The following TCF4 variants were observed in gnomAD, a reference collection of about 807,000 sequenced individuals.
The protein encoded by TCF4 is SL3-3 enhancer factor 2.
Under a neutral mutation model 82.1 loss-of-function variants are expected in TCF4, and 3 were observed. The observed-to-expected ratio is 0.04, with a 90% CI of 0.02 to 0.09. TCF4 has a LOEUF of 0.09. Ranked by LOEUF, TCF4 falls within the 10% of genes least tolerant of loss-of-function variation. The pLI is 1.00. For missense variants in TCF4, 518 were observed against 852.7 expected (o/e 0.61, Z 4.89); for synonymous variants, 276 against 309.6 (o/e 0.89, Z 1.14).
chr18:55,481,815 A>T (rs2096439364), intron 3 of TCF4, among the ~76,000 whole-genome samples: 1 of 152,230 alleles, frequency 6.6e-6, no homozygotes, highest in Non-Finnish European at 1.5e-5. Context: ...CTCAAGAAAT[A>T]GACTTATGCC....
At chr18:55,230,719 T>C (rs1421317409) in intron 17 of TCF4, 2 of 152,252 alleles carry the variant, frequency 1.3e-5, no homozygotes, top group African/African-American at 2.4e-5. Flanking sequence ...GTATATTTAA[T>C]GAATGCTGGT....
intron 8 of TCF4, among the ~76,000 whole-genome samples, chr18:55,342,478 T>A (rs546604417): frequency 3.3e-5 from 5 of 152,116 alleles, no homozygotes; most frequent in Non-Finnish European, 5.9e-5. Context: ...AACAATACTT[T>A]CAAATAGTAC....
chr18:55,320,431 C>T (rs779126008), intron 8 of TCF4, among the ~76,000 whole-genome samples: 3 of 152,218 alleles, frequency 2.0e-5, no homozygotes, highest in Non-Finnish European at 4.4e-5. Flanking sequence ...GTTGCCCATT[C>T]ATAAAACTGG....
chr18:55,297,304 A>G (rs1033663194), intron 8 of TCF4, among the ~76,000 whole-genome samples: 6 of 151,678 alleles, frequency 4.0e-5, no homozygotes, highest in Admixed American at 1.3e-4. Flanking sequence ...GAGCGCATAG[A>G]GTCTGAGTAT....
chr18:55,580,895 G>A (rs758318141), intron 3 of TCF4, among the ~76,000 whole-genome samples: 1 of 151,748 alleles, frequency 6.6e-6, no homozygotes, highest in Non-Finnish European at 1.5e-5. Flanking sequence ...TATGAATACA[G>A]GATAGTAGTA....
chr18:55,405,233 G>A (rs1434881731), intron 5 of TCF4, among the ~76,000 whole-genome samples: 1 of 152,182 alleles, frequency 6.6e-6, no homozygotes, highest in Admixed American at 6.5e-5. Context: ...GCTATCAAAG[G>A]ACGCGTGTCC....
In TCF4 at chr18:55,569,234, A is replaced by G. The variant is rs186178763; in HGVS notation, c.145+16046T>C. On this transcript the variant is annotated intron_variant, in intron 3 of 19. Transcript: ENST00000354452. ...AGACAAAAAAAAAAAAAGGCCAAGT[A>G]TTGGGGTTTGAAAGGAAAAAACAAT... is the stretch of plus-strand genomic sequence containing the variant. Among the ~76,000 whole-genome samples, 7 of 150,982 alleles carry G rather than the reference A, an allele frequency of 4.6e-5. No homozygotes were observed. In the East Asian group the frequency reaches 1.2e-3, roughly 25 times the overall value.
At chr18:55,492,363 T>C (rs1409442529) in intron 3 of TCF4, 2 of 152,224 alleles carry the variant, frequency 1.3e-5, no homozygotes, top group Non-Finnish European at 2.9e-5. Flanking sequence ...CAATCATTTA[T>C]ATGCATGCTT....
At chr18:55,590,087 C>G (rs1168388736), upstream of TCF4, among the ~76,000 whole-genome samples, 1 of 152,236 alleles carries the variant, frequency 6.6e-6, no homozygotes, top group African/African-American at 2.4e-5. Flanking sequence ...CGTCCTTGCT[C>G]TTTGACACAA....
intron 3 of TCF4, among the ~76,000 whole-genome samples, chr18:55,547,585 A>C (rs2097217620): frequency 6.6e-6 from 1 of 152,232 alleles, no homozygotes; most frequent in African/African-American, 2.4e-5. Flanking sequence ...ATAATAAATA[A>C]GTCAATAAAT....
intron 3 of TCF4, among the ~76,000 whole-genome samples, chr18:55,476,330 C>T (rs987959916): frequency 6.6e-6 from 1 of 152,152 alleles, no homozygotes; most frequent in Non-Finnish European, 1.5e-5. Flanking sequence ...CCAAAAAAGA[C>T]TGTGAGAGGA....
intron 2 of TCF4, among the ~76,000 whole-genome samples, chr18:55,621,707 T>C (rs1413316609): frequency 1.1e-5 from 1 of 88,000 alleles, no homozygotes; most frequent in Non-Finnish European, 2.0e-5. Context: ...ATATATATTA[T>C]ATAATATATA....
At chr18:55,304,617 T>C (rs2147058818) in intron 8 of TCF4, among the ~76,000 whole-genome samples, 1 of 152,288 alleles carries the variant, frequency 6.6e-6, no homozygotes. Context: ...AGGGCAGAAT[T>C]CCTTGTCAGG....
chr18:55,293,399 CTCTT>C (rs1194139139), intron 8 of TCF4, among the ~76,000 whole-genome samples: 2 of 152,126 alleles, frequency 1.3e-5, no homozygotes, highest in African/African-American at 4.8e-5. Context: ...CACTCATGCT[CTCTT>C]TGTTAGCAAA....
chr18:55,477,091 G>A (rs1159705297), intron 3 of TCF4, among the ~76,000 whole-genome samples: 1 of 152,174 alleles, frequency 6.6e-6, no homozygotes, highest in Admixed American at 6.5e-5. Flanking sequence ...AAATTGGTCA[G>A]AGGAGTCTGA....
intron 2 of TCF4, among the ~76,000 whole-genome samples, chr18:55,611,012 A>G (rs562687627): frequency 1.8e-4 from 27 of 152,304 alleles, no homozygotes; most frequent in African/African-American, 6.5e-4. Flanking sequence ...GTGTGGCACA[A>G]CACTAGCTGA....
intron 3 of TCF4, among the ~76,000 whole-genome samples, chr18:55,538,233 G>A (rs1348124470): frequency 6.6e-6 from 1 of 152,004 alleles, no homozygotes; most frequent in African/African-American, 2.4e-5. Context: ...TTCTTGAGGG[G>A]TTTTTAGTCC....
intron 3 of TCF4, among the ~76,000 whole-genome samples, chr18:55,515,366 C>T (rs1359305565): frequency 6.6e-6 from 1 of 152,164 alleles, no homozygotes; most frequent in East Asian, 1.9e-4. Context: ...TACGTGCAGA[C>T]ACATGGCTGG....
chr18:55,444,209 T>C (rs2095488244), intron 5 of TCF4, among the ~76,000 whole-genome samples: 1 of 152,228 alleles, frequency 6.6e-6, no homozygotes, highest in Non-Finnish European at 1.5e-5. Context: ...TGTAAAGCAA[T>C]TAATGTTAAA....
Sources: allele counts gnomAD v4.1 joint callset (sites outside exome capture counted in the v4.1 genomes callset), GRCh38; gene constraint gnomAD v4.1.1; transcripts MANE v1.5; gene names NCBI Gene and HGNC (gene_info 2026-07-23, HGNC 2026-07-21).